Variants in EIF4ENIF1 observed in about 807,000 individuals in gnomAD.
The protein encoded by EIF4ENIF1 is eukaryotic translation initiation factor 4E transporter.
Under a neutral mutation model 110.5 loss-of-function variants are expected in EIF4ENIF1, and 23 were observed. That is an observed-to-expected ratio of 0.21 (90% CI 0.15 to 0.29). EIF4ENIF1 has a LOEUF of 0.29. Among genes scored for constraint, EIF4ENIF1 ranks in the 10% least tolerant of loss-of-function variants. The pLI, the probability that EIF4ENIF1 is intolerant of heterozygous loss-of-function variation, is 1.00. For synonymous variants in EIF4ENIF1, 440 were observed against 437.0 expected (o/e 1.01, Z -0.09); for missense variants, 1,031 against 1,221.1 (o/e 0.84, Z 2.32).
intron 18 of EIF4ENIF1, 49 bp from the exon 19 acceptor site, chr22:31,440,170 A>G: frequency 6.2e-7 from 1 of 1,613,498 alleles, no homozygotes; most frequent in Non-Finnish European, 8.5e-7. Context: ...AGGAAAGTTT[A>G]TTAGACCCTG....
intron 3 of EIF4ENIF1, among the ~76,000 whole-genome samples, 155 bp from the exon 4 acceptor site, chr22:31,468,457 T>G (rs1270938537): frequency 6.6e-6 from 1 of 152,196 alleles, no homozygotes; most frequent in Admixed American, 6.5e-5. Flanking sequence ...CGCAGTGGCG[T>G]GATCTCAGCT....
intron 2 of EIF4ENIF1, among the ~76,000 whole-genome samples, 180 bp downstream of exon 2, chr22:31,488,443 C>T (rs1385161248): frequency 2.0e-5 from 3 of 152,168 alleles, no homozygotes. Flanking sequence ...CCAGCTTAAA[C>T]GCTGGGTATC....
At chr22:31,480,015 A>G (rs2051751963) in intron 2 of EIF4ENIF1, among the ~76,000 whole-genome samples, 2 of 152,092 alleles carry the variant, frequency 1.3e-5, no homozygotes, top group African/African-American at 2.4e-5. Context: ...CCTAGCCTGG[A>G]AAGTCTTAAC....
chr22:31,439,878 G>A lies in EIF4ENIF1; in HGVS notation c.*2C>T, dbSNP rs1001312299. On this transcript the variant is annotated 3_prime_UTR_variant, in exon 19 of 19. Transcript: ENST00000330125. ...GGGCTTAGTTGAGTCTGCCTGCCCT[G>A]CTCACTGTCGGTATTCCAATTCATC... 1.6e-5 allele frequency: 25 copies of A among 1,612,368 alleles called. No individual in the cohort carries two copies. Among genetic ancestry groups the A allele is most frequent in the Non-Finnish European group, 1.9e-5 (23 of 1,179,984 alleles).
At chr22:31,438,948 T>C (rs1469872095), downstream of EIF4ENIF1, among the ~76,000 whole-genome samples, 17 of 152,050 alleles carry the variant, frequency 1.1e-4, no homozygotes, top group Admixed American at 1.1e-3. Context: ...TCTTGATCTC[T>C]TGACCTTGTG....
chr22:31,484,375 T>C (rs1401348444), intron 2 of EIF4ENIF1, among the ~76,000 whole-genome samples: 2 of 152,072 alleles, frequency 1.3e-5, no homozygotes, highest in African/African-American at 4.8e-5. Context: ...ACAAAAACTC[T>C]TCGAATTCTG....
chr22:31,458,400 A>G lies in EIF4ENIF1; in HGVS notation c.963+75T>C, dbSNP rs185059973. The G allele has an allele frequency of 3.7e-5, 48 of 1,303,018 alleles. 1 individual carries two copies. The Admixed American group carries it at 1.3e-3, about 36-fold the overall frequency. The allele number at this position is 1,303,018 out of a possible 1,614,324, so 80.7% of individuals were successfully genotyped here. A position where few individuals can be genotyped will look rare whatever the true frequency, so the allele number is the denominator to read the frequency against. ...AACCCCAAAAGCATCTAGCAAAACA[A>G]CACTTTCAAACCGATGTCTTAAATA... is the stretch of plus-strand genomic sequence containing the variant. On this transcript the variant is annotated intron_variant, in intron 7 of 18. Transcript: ENST00000330125.
At chr22:31,476,771 G>GTGCAAC (rs1387129693) in intron 2 of EIF4ENIF1, among the ~76,000 whole-genome samples, 3 of 151,892 alleles carry the variant, frequency 2.0e-5, no homozygotes, top group Non-Finnish European at 4.4e-5. Flanking sequence ...GGGAGGCAGA[G>GTGCAAC]GTTGCAGTGA....
intron 4 of EIF4ENIF1, among the ~76,000 whole-genome samples, chr22:31,467,931 C>T (rs144872762): frequency 0.011 from 1,634 of 152,270 alleles, 14 homozygotes; most frequent in Non-Finnish European, 0.017. Flanking sequence ...GTTATCCATG[C>T]CAGTGAAAGA....
At chr22:31,447,327 C>T (rs1601566786) in intron 14 of EIF4ENIF1, 99 bp downstream of exon 14, 1 of 1,417,888 alleles carries the variant, frequency 7.1e-7, no homozygotes, top group Non-Finnish European at 9.7e-7. Context: ...ACTGAACATA[C>T]CACAGTATGT....
At chr22:31,482,524 A>C (rs1294399711) in intron 2 of EIF4ENIF1, among the ~76,000 whole-genome samples, 1 of 151,882 alleles carries the variant, frequency 6.6e-6, no homozygotes, top group Admixed American at 6.6e-5. Flanking sequence ...TCTAATAAAA[A>C]TACAAAAATT....
At chr22:31,442,252 C>A in intron 16 of EIF4ENIF1, 134 bp from the exon 17 acceptor site, 1 of 691,202 alleles carries the variant, frequency 1.4e-6, no homozygotes, top group South Asian at 2.0e-5. Flanking sequence ...GAGGACTACA[C>A]GGTAGGAACC....
intron 2 of EIF4ENIF1, among the ~76,000 whole-genome samples, chr22:31,474,530 T>C (rs1438785542): frequency 8.6e-5 from 13 of 151,934 alleles, no homozygotes; most frequent in Admixed American, 2.6e-4. Context: ...CGTTCTAGCT[T>C]ATTTTGTATT....
intron 16 of EIF4ENIF1, 127 bp downstream of exon 16, chr22:31,442,835 C>T (rs914110758): frequency 2.2e-5 from 27 of 1,248,050 alleles, no homozygotes; most frequent in Non-Finnish European, 2.9e-5. Context: ...GACACAGAAC[C>T]ATAGTCCAGA....
chr22:31,464,689 AAAAAAAAAAAAT>A (rs1350229610), intron 4 of EIF4ENIF1, among the ~76,000 whole-genome samples: 1,368 of 46,006 alleles, frequency 0.03, 60 homozygotes, highest in East Asian at 0.17. Context: ...AAAAAAAAAA[AAAAAAAAAAAAT>A]ATATATATAT....
chr22:31,464,685 AAAAAAAAAAAAAAAATAT>A (rs1569088485), intron 4 of EIF4ENIF1, among the ~76,000 whole-genome samples: 1 of 32,862 alleles, frequency 3.0e-5, no homozygotes, highest in Non-Finnish European at 1.1e-4. Flanking sequence ...CAAAAAAAAA[AAAAAAAAAAAAAAAATAT>A]ATATATATAT....
In EIF4ENIF1 at chr22:31,458,487, T is replaced by C; in HGVS notation, c.951A>G (p.Pro317=). The change falls in exon 7 of 19, where the codon CCA becomes CCG. Residue 317 remains proline (P), a synonymous_variant. Transcript: ENST00000330125. The part of the protein sequence containing the change: ...FNEFFNLDKV[P]CLASMIEDVL... The stretch of plus-strand genomic sequence containing the variant: ...CTGCTACACTCACCGAAGCCAAGCA[T>C]GGCACCTTATCAAGGTTAAAGAACT... The C allele has an allele frequency of 6.3e-7, 1 of 1,595,272 alleles. No homozygotes were observed. Among genetic ancestry groups the C allele is most frequent in the Non-Finnish European group, 8.6e-7 (1 of 1,166,786 alleles).
chr22:31,477,629 A>G (rs2051639673), intron 2 of EIF4ENIF1, among the ~76,000 whole-genome samples: 1 of 152,204 alleles, frequency 6.6e-6, no homozygotes, highest in Admixed American at 6.5e-5. Context: ...GGCCTGTAAG[A>G]GCAGAAGGCA....
intron 18 of EIF4ENIF1, 64 bp from the exon 19 acceptor site, chr22:31,440,185 A>T: frequency 6.2e-7 from 1 of 1,610,818 alleles, no homozygotes; most frequent in Non-Finnish European, 8.5e-7. Context: ...ACCCTGCTTC[A>T]TTCAAACCCT....
Sources: gnomAD v4.1 joint callset for allele counts (sites outside exome capture counted in the v4.1 genomes callset) on GRCh38, gnomAD v4.1.1 for gene constraint, MANE v1.5 for transcripts, NCBI Gene and HGNC (gene_info 2026-07-23, HGNC 2026-07-21) for gene names.